Variants in WDFY2 observed in about 807,000 individuals in gnomAD.
The protein encoded by WDFY2 is WD repeat and FYVE domain containing 2.
In WDFY2, 36 loss-of-function variants were observed where a neutral mutation model predicts 56.4. The ratio of observed to expected loss-of-function variants is 0.64; its 90% confidence interval spans 0.49 to 0.84. WDFY2 has a LOEUF of 0.84. WDFY2 is among the 40% of genes least tolerant of loss of function. The probability of loss-of-function intolerance (pLI) is 0.00; values close to 1 mark genes in which losing one functional copy is unlikely to be tolerated. For synonymous variants in WDFY2, 176 were observed against 183.7 expected (o/e 0.96, Z 0.34); for missense variants, 444 against 512.2 (o/e 0.87, Z 1.29).
intron 5 of WDFY2, 61 bp from the exon 6 acceptor site, chr13:51,727,617 T>C: frequency 6.5e-7 from 1 of 1,528,258 alleles, no homozygotes. Flanking sequence ...TATGCCCTGT[T>C]TTTTCATTGT....
chr13:51,754,090 CA>C (rs34329123), intron 8 of WDFY2, among the ~76,000 whole-genome samples: 33,222 of 100,606 alleles, frequency 0.33, 4,689 homozygotes, highest in African/African-American at 0.47. Context: ...AAGGCTGTCT[CA>C]AAAAAAAAAA....
intron 1 of WDFY2, chr13:51,586,158 T>G: frequency 5.0e-6 from 2 of 398,338 alleles, no homozygotes; most frequent in East Asian, 7.1e-5. Flanking sequence ...TGAGAAAGTT[T>G]GATTTTTTCC....
At chr13:51,725,035 ATG>A (rs1251372292) in intron 5 of WDFY2, among the ~76,000 whole-genome samples, 1 of 152,168 alleles carries the variant, frequency 6.6e-6, no homozygotes, top group Non-Finnish European at 1.5e-5. Context: ...GTATATATAA[ATG>A]TGTGTGTATT....
At chr13:51,735,567 A>G (rs1051922257) in intron 6 of WDFY2, among the ~76,000 whole-genome samples, 1 of 152,198 alleles carries the variant, frequency 6.6e-6, no homozygotes, top group Admixed American at 6.5e-5. Context: ...CATAACGTGC[A>G]TGCTCTTCTG....
Position 51,706,463 on chromosome 13 carries a change from G to A in WDFY2, c.334+2813G>A, listed in dbSNP as rs190567864. On this transcript the variant is annotated intron_variant, in intron 4 of 11. Coordinates refer to ENST00000298125, the MANE Select transcript of WDFY2 (RefSeq NM_052950.4). ...ATTGGAACTGAGATTTCCATAAAAG[G>A]CTGAATCTCATAAAGGACTGTACCC... Among the ~76,000 whole-genome samples, 749 of 152,250 alleles carry A rather than the reference G, an allele frequency of 4.9e-3. 5 individuals are homozygous for A. The highest frequency in any genetic ancestry group is 0.014 in the African/African-American group (587 of 41,548).
At position 51,763,180 on chromosome 13, in the gene WDFY2, T is replaced by G. The variant is rs932294974; in HGVS notation, c.*3411T>G. On this transcript the variant is annotated 3_prime_UTR_variant, in exon 12 of 12. Transcript: ENST00000298125. ...AAAGAATGTTCAAGGAATAGCTGTT[T>G]TTGAACATTACTTAGTAATGGCATG... 1 of 152,232 alleles carries G rather than the reference T, an allele frequency of 6.6e-6. No homozygotes were observed. Among genetic ancestry groups the G allele is most frequent in the African/African-American group, 2.4e-5 (1 of 41,460 alleles). The allele number at this position is 152,232 out of a possible 1,614,324, so 9.4% of individuals were successfully genotyped here.
chr13:51,681,336 G>A (rs1483618683), intron 3 of WDFY2, among the ~76,000 whole-genome samples: 1 of 152,130 alleles, frequency 6.6e-6, no homozygotes, highest in Non-Finnish European at 1.5e-5. Flanking sequence ...TGTTTTCCAG[G>A]ACTTCTAGTG....
chr13:51,740,910 G>A (rs2138692467), intron 7 of WDFY2, among the ~76,000 whole-genome samples: 1 of 152,334 alleles, frequency 6.6e-6, no homozygotes, highest in African/African-American at 2.4e-5. Context: ...AATAAAGACT[G>A]CAAGCACTTT....
chr13:51,727,735 C>T lies in WDFY2; in HGVS notation c.543C>T (p.Ile181=). 6.2e-7 allele frequency: 1 copy of T among 1,614,162 alleles called. No homozygotes were observed. Among genetic ancestry groups the T allele is most frequent in the South Asian group, 1.1e-5 (1 of 91,072 alleles). The change falls in exon 6 of 12, where the codon ATC becomes ATT. Residue 181 remains isoleucine, a synonymous_variant. Transcript: ENST00000298125. ...FIGDHSGQVT[I]LKLEQENCTL... is the part of the protein sequence containing the mutation. ...GTGACCACTCAGGCCAAGTAACAAT[C>T]CTCAAACTGGAGCAAGAAAACTGCA...
chr13:51,691,512 T>A (rs1331737002), intron 3 of WDFY2, among the ~76,000 whole-genome samples: 1 of 151,580 alleles, frequency 6.6e-6, no homozygotes, highest in Non-Finnish European at 1.5e-5. Context: ...GTTGTAGATA[T>A]GTGGCATTAT....
At chr13:51,662,474 G>A (rs189870697) in intron 2 of WDFY2, among the ~76,000 whole-genome samples, 70 of 152,232 alleles carry the variant, frequency 4.6e-4, no homozygotes, top group African/African-American at 1.6e-3. Context: ...TGGCAAGCGA[G>A]GAATCTTATT....
At chr13:51,589,544 T>C (rs964385411) in intron 1 of WDFY2, 2 of 152,210 alleles carry the variant, frequency 1.3e-5, no homozygotes, top group Non-Finnish European at 2.9e-5. Context: ...CTTCAACCAT[T>C]AGTTTGATAA....
At chr13:51,738,751 ATTC>A (rs1377437543) in intron 6 of WDFY2, among the ~76,000 whole-genome samples, 1 of 152,196 alleles carries the variant, frequency 6.6e-6, no homozygotes, top group Non-Finnish European at 1.5e-5. Flanking sequence ...AATATTTTCC[ATTC>A]TTCTTAGAAT....
intron 1 of WDFY2, among the ~76,000 whole-genome samples, chr13:51,609,128 A>G (rs909035148): frequency 6.6e-6 from 1 of 152,180 alleles, no homozygotes; most frequent in Admixed American, 6.5e-5. Flanking sequence ...AAAATTGTGA[A>G]ATATACAGAA....
intron 1 of WDFY2, among the ~76,000 whole-genome samples, chr13:51,646,011 A>G (rs1247975112): frequency 6.6e-6 from 1 of 152,180 alleles, no homozygotes; most frequent in East Asian, 1.9e-4. Context: ...CCCTACATCC[A>G]GCCAGCCCCC....
chr13:51,642,471 G>C (rs760863320), intron 1 of WDFY2, among the ~76,000 whole-genome samples: 1 of 151,252 alleles, frequency 6.6e-6, no homozygotes, highest in Non-Finnish European at 1.5e-5. Context: ...TATTTTTTTT[G>C]TATTTTTGTA....
At chr13:51,687,034 G>A (rs1482946420) in intron 3 of WDFY2, among the ~76,000 whole-genome samples, 1 of 149,856 alleles carries the variant, frequency 6.7e-6, no homozygotes, top group Non-Finnish European at 1.5e-5. Flanking sequence ...CACTAATAAT[G>A]TCACACTTAT....
chr13:51,759,484 C>G lies in WDFY2; in HGVS notation c.1174-256C>G, dbSNP rs545890733. Among the ~76,000 whole-genome samples, 3 of 152,296 alleles carry G rather than the reference C, an allele frequency of 2.0e-5. No homozygotes were observed. The South Asian group carries it at 6.2e-4, about 32-fold the overall frequency. ...TGCAGTGTAGCTTGTCTTCCCAGTC[C>G]TCTCAGCCATTAATAGATTGAATCT... On this transcript the variant is annotated intron_variant, in intron 11 of 11. Coordinates refer to ENST00000298125, the MANE Select transcript of WDFY2 (RefSeq NM_052950.4).
intron 5 of WDFY2, among the ~76,000 whole-genome samples, chr13:51,721,779 A>G (rs940490167): frequency 6.6e-6 from 1 of 152,054 alleles, no homozygotes; most frequent in Admixed American, 6.5e-5. Flanking sequence ...TTTCCTCTTG[A>G]GTATTTTTCC....
Sources: allele counts gnomAD v4.1 joint callset (sites outside exome capture counted in the v4.1 genomes callset), GRCh38; gene constraint gnomAD v4.1.1; transcripts MANE v1.5; gene names NCBI Gene and HGNC (gene_info 2026-07-23, HGNC 2026-07-21).